Variants in ZSWIM7 observed in about 807,000 individuals in gnomAD.
The protein encoded by ZSWIM7 is zinc finger SWIM-type containing 7.
A neutral mutation model predicts 21.1 loss-of-function variants in ZSWIM7; 22 were observed. The ratio of observed to expected loss-of-function variants is 1.04; its 90% CI spans 0.74 to 1.49. The LOEUF is 1.49. ZSWIM7 is among the 40% of genes most tolerant of loss of function. The pLI, the probability that ZSWIM7 is intolerant of heterozygous loss-of-function variation, is 0.00. For synonymous variants in ZSWIM7, 67 were observed against 66.5 expected (o/e 1.01, Z -0.04); for missense variants, 193 against 168.0 (o/e 1.15, Z -0.82).
chr17:15,977,339 C>T lies in ZSWIM7; in HGVS notation c.*708G>A, dbSNP rs978375922. The T allele has an allele frequency of 6.6e-6, 1 of 152,166 alleles. No individual in the cohort carries two copies. Among genetic ancestry groups the T allele is most frequent in the African/African-American group, 2.4e-5 (1 of 41,422 alleles). The allele number at this position is 152,166 out of a possible 1,614,324, so 9.4% of individuals were successfully genotyped here. On this transcript the variant is annotated 3_prime_UTR_variant, in exon 5 of 5. Coordinates refer to ENST00000399277, the MANE Select transcript of ZSWIM7 (RefSeq NM_001042697.2). ...AAAAGAACTGACCTACTCGTCGAAACTTCATCTTACTGTTTGGCCCACCAT... is the reference window on the plus strand; with the variant it reads ...AAAAGAACTGACCTACTCGTCGAAATTTCATCTTACTGTTTGGCCCACCAT...
intron 1 of ZSWIM7, among the ~76,000 whole-genome samples, chr17:15,998,845 C>A (rs1484215732): frequency 6.6e-6 from 1 of 151,758 alleles, no homozygotes; most frequent in East Asian, 1.9e-4. Flanking sequence ...ACCTCCGCCT[C>A]CCGGGTTCAA....
At chr17:15,991,933 G>GTTTT (rs1337184322) in intron 2 of ZSWIM7, among the ~76,000 whole-genome samples, 5 of 137,168 alleles carry the variant, frequency 3.6e-5, no homozygotes, top group African/African-American at 1.5e-4. Context: ...GTTTTGTTTT[G>GTTTT]TTTTTTTTTT....
At chr17:15,995,129 G>C (rs1421350647) in intron 1 of ZSWIM7, among the ~76,000 whole-genome samples, 9 of 152,044 alleles carry the variant, frequency 5.9e-5, no homozygotes, top group Admixed American at 5.9e-4. Flanking sequence ...AAGAAAAAGG[G>C]AATCTTCTGA....
At position 15,978,141 on chromosome 17, in the gene ZSWIM7, T is replaced by C; in HGVS notation, c.329A>G (p.Tyr110Cys). The change falls in exon 5 of 5, where the codon TAC becomes TGC. Residue 110 changes from tyrosine to cysteine, a missense_variant. Physicochemically the swap from Tyr to Cys is radical, Grantham distance 194. Transcript: ENST00000399277. Reference sequence around the variant, plus strand: ...ACAGGTCCTCATAACCTGACTCAGGTAAACTGCCAAGAGATGCTTGCACTG... The same window carrying C: ...ACAGGTCCTCATAACCTGACTCAGGCAAACTGCCAAGAGATGCTTGCACTG... ...SILCKHLLAV[Y>C]LSQVMRTCQQ... 1 of 1,614,078 alleles carries C rather than the reference T, an allele frequency of 6.2e-7. No homozygotes were observed. The highest frequency in any genetic ancestry group is 8.5e-7 in the Non-Finnish European group (1 of 1,179,966).
chr17:15,988,717 A>G (rs1390049847), intron 2 of ZSWIM7, among the ~76,000 whole-genome samples: 1 of 152,072 alleles, frequency 6.6e-6, no homozygotes, highest in Non-Finnish European at 1.5e-5. Flanking sequence ...CCAGCACTGT[A>G]TAAGACTTCT....
chr17:15,991,157 GTGAACATCTCT>G (rs1218858868), intron 2 of ZSWIM7: 3 of 151,762 alleles, frequency 2.0e-5, no homozygotes, highest in African/African-American at 7.3e-5. Flanking sequence ...AATACCTACT[GTGAACATCTCT>G]TGAATGCATT....
In ZSWIM7 at chr17:15,979,643, C is replaced by A. The variant is rs190920983; in HGVS notation, c.306+1397G>T. On this transcript the variant is annotated intron_variant, in intron 4 of 4. Transcript: ENST00000399277. ...CTGACCCCCCCACCTCCCTCCCGGA[C>A]GGGGCGGCTGGCTGGGCGGAGGACT... 3.1e-5 allele frequency among the ~76,000 whole-genome samples: 4 copies of A among 127,154 alleles called. No individual in the cohort carries two copies. The East Asian group carries it at 6.6e-4, about 21-fold the overall frequency. 83.4% of individuals were successfully genotyped at this position (127,154 alleles called of 152,430 possible).
intron 1 of ZSWIM7, among the ~76,000 whole-genome samples, chr17:15,998,181 G>A (rs1053057978): frequency 3.3e-5 from 5 of 151,980 alleles, no homozygotes; most frequent in African/African-American, 1.2e-4. Context: ...GGCGATTATT[G>A]TTTAAAGTGA....
At chr17:15,980,045 C>G (rs1192720225) in intron 4 of ZSWIM7, among the ~76,000 whole-genome samples, 32 of 146,956 alleles carry the variant, frequency 2.2e-4, no homozygotes, top group African/African-American at 7.5e-4. Context: ...CTGACCCCCC[C>G]ACCTCCCTCC....
At chr17:15,995,652 G>A (rs943768422) in intron 1 of ZSWIM7, among the ~76,000 whole-genome samples, 1 of 150,300 alleles carries the variant, frequency 6.7e-6, no homozygotes, top group South Asian at 2.1e-4. Context: ...AAGTTCCCAG[G>A]AAGTAGAGAA....
rs371371446 is a variant in ZSWIM7 at position 15,993,749 on chromosome 17, G to T, written c.98+8C>A. The T allele has an allele frequency of 6.7e-7, 1 of 1,483,786 alleles. No individual in the cohort carries two copies. The highest frequency in any genetic ancestry group is 9.3e-7 in the Non-Finnish European group (1 of 1,072,248). 91.9% of individuals were successfully genotyped at this position (1,483,786 alleles called of 1,614,324 possible). A position where few individuals can be genotyped will look rare whatever the true frequency, so the allele number is the denominator to read the frequency against. ...AAAAAAATCAAATACAACAGTATAT[G>T]TACTTACGATAACAGATATTCATCA... On this transcript the variant is annotated splice_region_variant and intron_variant, in intron 2 of 4. Transcript: ENST00000399277.
chr17:15,988,816 C>T lies in ZSWIM7; in HGVS notation c.99-1448G>A, dbSNP rs181617489. ...GGCAGATCACCAGAGGTCAGGAGAT[C>T]GAGACCATCCTGGCTAACATGGTGA... On this transcript the variant is annotated intron_variant, in intron 2 of 4. Transcript: ENST00000399277. Among the ~76,000 whole-genome samples the T allele has an allele frequency of 5.4e-3, 826 of 152,096 alleles. 6 individuals are homozygous for T. The highest frequency in any genetic ancestry group is 0.019 in the African/African-American group (782 of 41,490).
intron 2 of ZSWIM7, chr17:15,991,200 T>C (rs1176654607): frequency 6.6e-6 from 1 of 152,086 alleles, no homozygotes; most frequent in Non-Finnish European, 1.5e-5. Flanking sequence ...CATATCACTT[T>C]TAATGGTTAC....
rs528181156 is a variant in ZSWIM7 at position 15,981,080 on chromosome 17, G to A, written c.266C>T (p.Ala89Val). 4 of 1,613,834 alleles carry A rather than the reference G, an allele frequency of 2.5e-6. No individual in the cohort carries two copies. Among genetic ancestry groups the A allele is most frequent in the Non-Finnish European group, 3.4e-6 (4 of 1,179,804 alleles). The change falls in exon 4 of 5, where the codon GCA becomes GTA. Residue 89 changes from alanine to valine, a missense_variant. Physicochemically the swap from Ala to Val is moderately conservative, Grantham distance 64. Coordinates refer to ENST00000399277, the MANE Select transcript of ZSWIM7 (RefSeq NM_001042697.2). ...CTTCCGTAGCACTGAGAATGCAAAT[G>A]CAGGACATGAACAGTAATGACAAGA... is the stretch of plus-strand genomic sequence containing the variant. ...LASCHYCSCP[A>V]FAFSVLRKSD...
rs1333128736 is a variant in ZSWIM7 at position 15,979,900 on chromosome 17, A to G, written c.306+1140T>C. Among the ~76,000 whole-genome samples the G allele has an allele frequency of 7.0e-3, 167 of 23,950 alleles. 37 individuals are homozygous for G. The highest frequency in any genetic ancestry group is 0.068 in the African/African-American group (147 of 2,162). The allele number at this position is 23,950 out of a possible 152,430, so 15.7% of individuals were successfully genotyped here. On this transcript the variant is annotated intron_variant, in intron 4 of 4. Transcript: ENST00000399277. ...GCTGACCCCCCCACCTCCCTCCCGGACGGGGGGCTGAACCCCCCACCTCCC... is the reference window on the plus strand; with the variant it reads ...GCTGACCCCCCCACCTCCCTCCCGGGCGGGGGGCTGAACCCCCCACCTCCC...
intron 3 of ZSWIM7, among the ~76,000 whole-genome samples, chr17:15,982,468 T>A (rs918051729): frequency 6.6e-6 from 1 of 152,050 alleles, no homozygotes; most frequent in Non-Finnish European, 1.5e-5. Context: ...GACTTTTAAA[T>A]TTTTTTTGAA....
At position 15,996,368 on chromosome 17, in the gene ZSWIM7, C is replaced by T. The variant is rs527854344; in HGVS notation, c.77-2590G>A. ...TCAGACATAAGCCTCAAACAGGGGC[C>T]GGTGTGGGGGCTCACAACTATAATC... On this transcript the variant is annotated intron_variant, in intron 1 of 4. Coordinates refer to ENST00000399277, the MANE Select transcript of ZSWIM7 (RefSeq NM_001042697.2). 2.0e-5 allele frequency among the ~76,000 whole-genome samples: 3 copies of T among 152,132 alleles called. No homozygotes were observed. The South Asian group carries it at 6.2e-4, about 32-fold the overall frequency.
At chr17:15,990,094 C>G (rs1232793603) in intron 2 of ZSWIM7, among the ~76,000 whole-genome samples, 1 of 151,788 alleles carries the variant, frequency 6.6e-6, no homozygotes, top group Non-Finnish European at 1.5e-5. Flanking sequence ...GTAGCAGGCA[C>G]CTGTAGTCCC....
chr17:15,979,670 A>AC (rs574772182), intron 4 of ZSWIM7, among the ~76,000 whole-genome samples: 54,172 of 101,010 alleles, frequency 0.54, 15,502 homozygotes, highest in Middle Eastern at 0.63. Flanking sequence ...CGGAGGACTG[A>AC]CCCCCCCCAC....
Sources: gnomAD v4.1 joint callset for allele counts (sites outside exome capture counted in the v4.1 genomes callset) on GRCh38, gnomAD v4.1.1 for gene constraint, MANE v1.5 for transcripts, NCBI Gene and HGNC (gene_info 2026-07-23, HGNC 2026-07-21) for gene names.